Variants in GAS2 observed in about 807,000 individuals in gnomAD.
GAS2 encodes the protein growth arrest specific 2, also known as growth arrest-specific protein 2.
Under a neutral mutation model 37.5 loss-of-function variants are expected in GAS2, and 20 were observed. The ratio of observed to expected loss-of-function variants is 0.53; its 90% CI spans 0.37 to 0.77. The LOEUF is 0.77. Among genes scored for constraint, GAS2 ranks in the 30% least tolerant of loss-of-function variants. The probability of loss-of-function intolerance (pLI) is 0.00; values close to 1 mark genes in which losing one functional copy is unlikely to be tolerated. For missense variants in GAS2, 336 were observed against 373.4 expected (o/e 0.90, Z 0.82); for synonymous variants, 144 against 132.2 (o/e 1.09, Z -0.61).
At chr11:22,772,102 C>T (rs1855008924) in intron 7 of GAS2, among the ~76,000 whole-genome samples, 1 of 151,990 alleles carries the variant, frequency 6.6e-6, no homozygotes, top group Non-Finnish European at 1.5e-5. Context: ...AGTTGTGTGG[C>T]AGAAACACCA....
chr11:22,718,624 A>G (rs1473478725), intron 3 of GAS2, among the ~76,000 whole-genome samples: 1 of 151,986 alleles, frequency 6.6e-6, no homozygotes, highest in Non-Finnish European at 1.5e-5. Context: ...GAACTTAGCC[A>G]TGTAATGGAA....
At chr11:22,717,183 A>G (rs1175037301) in intron 3 of GAS2, among the ~76,000 whole-genome samples, 1 of 152,216 alleles carries the variant, frequency 6.6e-6, no homozygotes, top group African/African-American at 2.4e-5. Flanking sequence ...AAGAGCCTAC[A>G]TAGCCAAAGC....
intron 7 of GAS2, among the ~76,000 whole-genome samples, chr11:22,768,802 A>G (rs529189935): frequency 3.9e-5 from 6 of 152,334 alleles, no homozygotes; most frequent in African/African-American, 1.4e-4. Flanking sequence ...GAGAAAATGA[A>G]TAGTCTTTCT....
upstream of GAS2, among the ~76,000 whole-genome samples, chr11:22,662,984 A>G (rs1848931829): frequency 1.3e-5 from 2 of 152,208 alleles, no homozygotes; most frequent in Admixed American, 1.3e-4. Flanking sequence ...GTCATTTATA[A>G]AGAAAAGAGG....
At chr11:22,809,539 G>A (rs1008357159) in intron 7 of GAS2, among the ~76,000 whole-genome samples, 2 of 151,950 alleles carry the variant, frequency 1.3e-5, no homozygotes, top group Non-Finnish European at 2.9e-5. Flanking sequence ...CCAGGCTGGA[G>A]TGCAGTGGCA....
intron 5 of GAS2, among the ~76,000 whole-genome samples, chr11:22,742,639 C>T (rs1004549436): frequency 2.0e-5 from 3 of 152,082 alleles, no homozygotes; most frequent in Non-Finnish European, 4.4e-5. Flanking sequence ...TTATGTTCAG[C>T]GGCATAACTA....
intron 3 of GAS2, among the ~76,000 whole-genome samples, chr11:22,719,276 G>A (rs1339163567): frequency 6.6e-6 from 1 of 151,966 alleles, no homozygotes; most frequent in Non-Finnish European, 1.5e-5. Flanking sequence ...ACTCATGCTG[G>A]CTAACTGAAA....
chr11:22,807,707 G>A (rs548607127), intron 7 of GAS2, among the ~76,000 whole-genome samples: 85 of 152,286 alleles, frequency 5.6e-4, no homozygotes, highest in South Asian at 3.3e-3. Flanking sequence ...GCCTGTAATA[G>A]GAGATCAGTC....
chr11:22,754,302 G>T (rs1590091707), intron 6 of GAS2, among the ~76,000 whole-genome samples: 1 of 151,956 alleles, frequency 6.6e-6, no homozygotes, highest in African/African-American at 2.4e-5. Flanking sequence ...TTACATCAAT[G>T]ATTTTAAAAT....
chr11:22,767,535 A>G (rs751243072), intron 7 of GAS2, among the ~76,000 whole-genome samples: 8 of 149,262 alleles, frequency 5.4e-5, no homozygotes, highest in African/African-American at 1.5e-4. Context: ...TATATGTTCT[A>G]TACTGATATG....
At chr11:22,700,019 G>T (rs962741816) in intron 3 of GAS2, among the ~76,000 whole-genome samples, 5 of 152,020 alleles carry the variant, frequency 3.3e-5, no homozygotes, top group Admixed American at 6.6e-5. Context: ...AGATGCCCTT[G>T]CAGTCTCTAC....
chr11:22,701,521 G>A (rs762135557), intron 3 of GAS2, among the ~76,000 whole-genome samples: 3 of 151,878 alleles, frequency 2.0e-5, no homozygotes, highest in Admixed American at 6.6e-5. Context: ...GTGAGATCAA[G>A]CTTAAAAAAA....
intron 5 of GAS2, among the ~76,000 whole-genome samples, chr11:22,741,236 C>T (rs1853060251): frequency 6.6e-6 from 1 of 151,958 alleles, no homozygotes; most frequent in South Asian, 2.1e-4. Context: ...GAGCTATCAT[C>T]ACTGAAGAGT....
At chr11:22,630,164 A>G (rs1201150414) in intron 1 of GAS2, among the ~76,000 whole-genome samples, 2 of 152,156 alleles carry the variant, frequency 1.3e-5, no homozygotes, top group Non-Finnish European at 2.9e-5. Context: ...CATCATTTAC[A>G]TTAGGTATAT....
intron 4 of GAS2, among the ~76,000 whole-genome samples, chr11:22,731,973 T>C (rs1852499275): frequency 1.3e-5 from 2 of 151,698 alleles, no homozygotes; most frequent in South Asian, 4.1e-4. Flanking sequence ...AAAACCCTTT[T>C]CAAATCTGGC....
At chr11:22,787,342 G>T (rs1010163554) in intron 7 of GAS2, among the ~76,000 whole-genome samples, 5 of 152,286 alleles carry the variant, frequency 3.3e-5, no homozygotes, top group African/African-American at 1.2e-4. Context: ...AGCATTAAAT[G>T]AGATAAAGTG....
At chr11:22,779,637 G>A (rs1320383047) in intron 7 of GAS2, among the ~76,000 whole-genome samples, 1 of 152,048 alleles carries the variant, frequency 6.6e-6, no homozygotes, top group Non-Finnish European at 1.5e-5. Flanking sequence ...GGTGGAGGTT[G>A]CTGTAAGCCA....
chr11:22,759,026 C>CTAA lies in GAS2; in HGVS notation c.723+3074_723+3076dup, dbSNP rs1014494485. Among the ~76,000 whole-genome samples, 26 of 151,826 alleles carry CTAA rather than the reference C, an allele frequency of 1.7e-4. 1 individual carries two copies. The highest frequency in any genetic ancestry group is 1.6e-3 in the Admixed American group (24 of 15,240). On this transcript the variant is annotated intron_variant, in intron 7 of 7. Transcript: ENST00000454584. ...TAAGCCAGGGTTAACAATTCCATTG[C>CTAA]TAACCACCTTACAAGGTTTGTTGAC...
At chr11:22,777,325 C>T (rs11601253) in intron 7 of GAS2, among the ~76,000 whole-genome samples, 9,585 of 152,224 alleles carry the variant, frequency 0.063, 406 homozygotes, top group Middle Eastern at 0.15. Flanking sequence ...GAAGCCATGG[C>T]TTCAGACCTC....
Sources: gnomAD v4.1 joint callset for allele counts (sites outside exome capture counted in the v4.1 genomes callset) on GRCh38, gnomAD v4.1.1 for gene constraint, MANE v1.5 for transcripts, NCBI Gene and HGNC (gene_info 2026-07-23, HGNC 2026-07-21) for gene names.